LAMC2: variants seen among roughly 807,000 people sequenced by gnomAD.
The protein encoded by LAMC2 is laminin subunit gamma 2.
Under a neutral mutation model 140.2 loss-of-function variants are expected in LAMC2, and 97 were observed. The ratio of observed to expected loss-of-function variants is 0.69; its 90% CI spans 0.59 to 0.82. The LOEUF is 0.82. Ranked by LOEUF, LAMC2 falls within the 40% of genes least tolerant of loss-of-function variation. The pLI is 0.00. For synonymous variants in LAMC2, 513 were observed against 540.2 expected, an observed-to-expected ratio of 0.95 and a Z score of 0.70; for missense variants, 1,402 against 1,476.1, an observed-to-expected ratio of 0.95 and a Z score of 0.82.
At position 183,240,209 on chromosome 1, in the gene LAMC2, G is replaced by A; in HGVS notation, c.3228+11G>A. 1.2e-6 allele frequency: 2 copies of A among 1,614,228 alleles called. No homozygotes were observed. The highest frequency in any genetic ancestry group is 1.7e-6 in the Non-Finnish European group (2 of 1,180,046). ...GATGCAGTACAGATGGTGAGTTCCT[G>A]TTGCTTTCCACGGGAGATCCCTTTC... On this transcript the variant is annotated intron_variant, in intron 21 of 22. Transcript: ENST00000264144.
intron 2 of LAMC2, among the ~76,000 whole-genome samples, chr1:183,210,650 C>T (rs185348203): frequency 6.8e-4 from 103 of 152,252 alleles, no homozygotes; most frequent in Non-Finnish European, 2.1e-4. Flanking sequence ...TTTATGTGTA[C>T]ACAAAAAGCT....
intron 8 of LAMC2, 58 bp downstream of exon 8, chr1:183,225,778 A>G (rs1440404735): frequency 2.5e-6 from 3 of 1,204,062 alleles, no homozygotes; most frequent in East Asian, 2.3e-5. Flanking sequence ...AATTTGATTC[A>G]GCTCTCTAAG....
chr1:183,218,643 A>G (rs1659361619), intron 4 of LAMC2, among the ~76,000 whole-genome samples, 155 bp downstream of exon 4: 1 of 152,156 alleles, frequency 6.6e-6, no homozygotes, highest in African/African-American at 2.4e-5. Context: ...AGCTTTTACA[A>G]CAACAACAGC....
At chr1:183,250,046 A>G (rs1660333926), downstream of LAMC2, 1 of 152,254 alleles carries the variant, frequency 6.6e-6, no homozygotes, top group Non-Finnish European at 1.5e-5. Flanking sequence ...TGGACCAAGA[A>G]ACAAAAGAAA....
At chr1:183,189,168 A>C (rs1658246041) in intron 1 of LAMC2, among the ~76,000 whole-genome samples, 1 of 152,212 alleles carries the variant, frequency 6.6e-6, no homozygotes, top group African/African-American at 2.4e-5. Context: ...GTGGTGATCC[A>C]ATAAGTCTGT....
At chr1:183,188,155 A>G (rs1462290510) in intron 1 of LAMC2, among the ~76,000 whole-genome samples, 1 of 152,174 alleles carries the variant, frequency 6.6e-6, no homozygotes, top group Non-Finnish European at 1.5e-5. Context: ...ACTGAGGCTC[A>G]TTGCCACTTT....
chr1:183,257,528 G>C, the LAMC2 span, among the ~76,000 whole-genome samples: 1 of 152,124 alleles, frequency 6.6e-6, no homozygotes, highest in Non-Finnish European at 1.5e-5. Context: ...TTCTTTGTTG[G>C]GAAGTTTTTA....
rs16860611 is a variant in LAMC2 at position 183,228,038 on chromosome 1, C to T, written c.1469-336C>T. On this transcript the variant is annotated intron_variant, in intron 10 of 22. Coordinates refer to ENST00000264144, the MANE Select transcript of LAMC2 (RefSeq NM_005562.3). The surrounding 1 kb of genome is among the most constrained non-coding windows in gnomAD (Gnocchi z 4.3). ...CTTAGTGACTTCTTAAATGTCACAT[C>T]CTTCTGCTGGTCAATCTGAAAGAAG... Among the ~76,000 whole-genome samples the T allele has an allele frequency of 0.027, 4,167 of 152,322 alleles. 115 individuals are homozygous for T. Among genetic ancestry groups the T allele is most frequent in the South Asian group, 0.11 (541 of 4,824 alleles).
intron 14 of LAMC2, among the ~76,000 whole-genome samples, chr1:183,233,890 C>CTTTTTTTTTT: frequency 7.6e-6 from 1 of 131,790 alleles, no homozygotes; most frequent in South Asian, 2.5e-4. Flanking sequence ...CTTTTTTTTT[C>CTTTTTTTTTT]TTTTTTTTTT....
intron 11 of LAMC2, among the ~76,000 whole-genome samples, chr1:183,229,806 G>A (rs538663496): frequency 6.6e-6 from 1 of 152,102 alleles, no homozygotes; most frequent in South Asian, 2.1e-4. Flanking sequence ...TCTACTTAGT[G>A]GTACAAATCC....
At chr1:183,204,512 T>A (rs1658823225) in intron 1 of LAMC2, among the ~76,000 whole-genome samples, 2 of 146,308 alleles carry the variant, frequency 1.4e-5, no homozygotes, top group African/African-American at 5.0e-5. Context: ...CACGCCTCTA[T>A]TCCCAGCTAC....
Position 183,186,413 on chromosome 1 carries a change from G to A in LAMC2, c.61G>A (p.Ala21Thr), listed in dbSNP as rs2102154744. The A allele has an allele frequency of 2.5e-6, 4 of 1,605,038 alleles. No individual in the cohort carries two copies. In the East Asian group the frequency reaches 8.9e-5, roughly 36 times the overall value. ...CFSLLLPAAR[A>T]TSRREVCDCN... is the part of the protein sequence containing the mutation. ...CTCGCTCCTCCTGCCCGCAGCCCGG[G>A]CCACCTCCAGGAGGGAAGGTGAGTC... The change falls in exon 1 of 23, where the codon GCC (alanine) becomes ACC (threonine). Residue 21 changes from alanine (A) to threonine (T), a missense_variant. Coordinates refer to ENST00000264144, the MANE Select transcript of LAMC2 (RefSeq NM_005562.3).
chr1:183,212,581 C>T (rs1239456150), intron 2 of LAMC2, among the ~76,000 whole-genome samples: 1 of 152,114 alleles, frequency 6.6e-6, no homozygotes, highest in Admixed American at 6.6e-5. Context: ...ACCACTTCCC[C>T]TCCTCTCTCC....
At chr1:183,198,318 G>A (rs963546199) in intron 1 of LAMC2, among the ~76,000 whole-genome samples, 6 of 151,618 alleles carry the variant, frequency 4.0e-5, no homozygotes, top group African/African-American at 7.3e-5. Flanking sequence ...ATTTTTTTGT[G>A]TATTTTAGTA....
rs1571529148 is a variant in LAMC2, at chr1:183,226,816, T to C, written c.1185T>C (p.Asp395=). The change falls in exon 9 of 23, where the codon GAT becomes GAC. Residue 395 remains aspartate, a synonymous_variant. Coordinates refer to ENST00000264144, the MANE Select transcript of LAMC2 (RefSeq NM_005562.3). ...GGTACAAGGGGCAATTCTGCCAGGA[T>C]TGTGCTTCTGGCTACAAGAGAGATT... ...PVGYKGQFCQ[D]CASGYKRDSA... The C allele has an allele frequency of 3.1e-6, 5 of 1,614,058 alleles. No individual in the cohort carries two copies. The highest frequency in any genetic ancestry group is 1.3e-5 in the African/African-American group (1 of 74,920).
At chr1:183,237,564 A>T in intron 18 of LAMC2, 60 bp downstream of exon 18, 6 of 1,391,288 alleles carry the variant, frequency 4.3e-6, no homozygotes, top group Non-Finnish European at 6.1e-6. Flanking sequence ...CCATATGAAT[A>T]AATATGGCAA....
In LAMC2 at chr1:183,220,910, C is replaced by A. The variant is rs184817147; in HGVS notation, c.589C>A (p.Arg197Ser). The change falls in exon 5 of 23, where the codon CGC becomes AGC. Residue 197 changes from arginine (R) to serine (S), a missense_variant. Transcript: ENST00000264144. The part of the protein sequence containing the change: ...CFCYGHSASC[R>S]SSAEYSVHKI... ...CTGCTATGGGCATTCAGCCAGCTGC[C>A]GCAGCTCTGCAGAATACAGTGTCCA... The A allele has an allele frequency of 6.2e-7, 1 of 1,613,976 alleles. No homozygotes were observed. The highest frequency in any genetic ancestry group is 8.5e-7 in the Non-Finnish European group (1 of 1,179,868).
chr1:183,194,365 A>G (rs1272923066), intron 1 of LAMC2, among the ~76,000 whole-genome samples: 1 of 152,188 alleles, frequency 6.6e-6, no homozygotes, highest in Admixed American at 6.5e-5. Flanking sequence ...ACTAAGAACT[A>G]TATAATGGTA....
At position 183,243,524 on chromosome 1, in the gene LAMC2, C is replaced by T; in HGVS notation, c.*124C>T. On this transcript the variant is annotated 3_prime_UTR_variant, in exon 23 of 23. Transcript: ENST00000264144. ...TGTTTAATGGGTATGCTCAGGTCAA[C>T]TGACCTGACCCCATTCCTGATCCCA... 8.4e-7 allele frequency: 1 copy of T among 1,190,104 alleles called. No individual in the cohort carries two copies. The highest frequency in any genetic ancestry group is 1.2e-6 in the Non-Finnish European group (1 of 807,388). The allele number at this position is 1,190,104 out of a possible 1,614,324, so 73.7% of individuals were successfully genotyped here. A position where few individuals can be genotyped will look rare whatever the true frequency, so the allele number is the denominator to read the frequency against.
Sources: allele counts gnomAD v4.1 joint callset (sites outside exome capture counted in the v4.1 genomes callset), GRCh38; gene constraint gnomAD v4.1.1; non-coding constraint Gnocchi (gnomAD v3.1); transcripts MANE v1.5; gene names NCBI Gene and HGNC (gene_info 2026-07-23, HGNC 2026-07-21).